ARSD: variants seen among roughly 807,000 people sequenced by gnomAD.
ARSD encodes the protein testis tissue sperm-binding protein Li 39a.
ARSD carries 21 observed loss-of-function variants against 32.6 expected under a neutral mutation model. The ratio of observed to expected loss-of-function variants is 0.64; its 90% CI spans 0.46 to 0.93. ARSD has a LOEUF of 0.93. ARSD is among the 40% of genes least tolerant of loss of function. The pLI is 0.00. For synonymous variants in ARSD, 224 were observed against 237.4 expected, an observed-to-expected ratio of 0.94 and a Z score of 0.52; for missense variants, 454 against 520.9, an observed-to-expected ratio of 0.87 and a Z score of 1.25.
chrX:2,908,593 G>T, intron 9 of ARSD, 128 bp downstream of exon 9: 14 of 500,001 alleles, frequency 2.8e-5, no homozygotes, highest in East Asian at 1.1e-4. Context: ...TATTTCTATA[G>T]CTATCTGTCC....
chrX:2,918,241 A>C lies in ARSD; in HGVS notation c.440-14T>G, dbSNP rs184892882. The C allele has an allele frequency of 2.3e-4, 267 of 1,140,759 alleles. 2 individuals carry two copies. The East Asian group carries it at 8.2e-3, about 35-fold the overall frequency. The allele number at this position is 1,140,759 out of a possible 1,213,427, so 94.0% of individuals were successfully genotyped here. A position where few individuals can be genotyped will look rare whatever the true frequency, so the allele number is the denominator to read the frequency against. ...GGTGCCATTTTCCTAAAAGAAACGC[A>C]AATGTTCAACAGAGACCCGCTTTGA... On this transcript the variant is annotated splice_polypyrimidine_tract_variant and intron_variant, in intron 4 of 9. Coordinates refer to ENST00000381154, the MANE Select transcript of ARSD (RefSeq NM_001669.4).
In ARSD at chrX:2,920,673, C is replaced by A. The variant is rs371025494; in HGVS notation, c.367G>T (p.Gly123Cys). 1.7e-5 allele frequency: 20 copies of A among 1,212,054 alleles called. No individual in the cohort carries two copies. Among genetic ancestry groups the A allele is most frequent in the Non-Finnish European group, 2.2e-5 (20 of 895,582 alleles). ...GTGGTTTCGTTCTCAGGGAGTCCAC[C>A]TGAGCCTGCGTTCCACTGAAGGGCC... Reference protein sequence around the residue: ...YRALQWNAGSGGLPENETTFA... With the variant: ...YRALQWNAGSCGLPENETTFA... The change falls in exon 4 of 10, where the codon GGT becomes TGT. Residue 123 changes from glycine (G) to cysteine (C), a missense_variant. Physicochemically the swap from Gly to Cys is radical, Grantham distance 159. This residue lies in a region of ARSD where 271 missense variants were observed against 301.0 expected (regional missense o/e 0.90). Coordinates refer to ENST00000381154, the MANE Select transcript of ARSD (RefSeq NM_001669.4).
intron 1 of ARSD, among the ~76,000 whole-genome samples, chrX:2,926,970 C>T (rs1335476282): frequency 3.9e-5 from 4 of 103,423 alleles, no homozygotes; most frequent in Non-Finnish European, 5.9e-5. Context: ...CTGTGCTCTC[C>T]GGGGAGGACG....
intron 9 of ARSD, chrX:2,908,065 TATCA>T: frequency 4.0e-6 from 2 of 498,034 alleles, no homozygotes; most frequent in Non-Finnish European, 5.0e-6. Flanking sequence ...TCTATTTATC[TATCA>T]ATCCATCCAT....
In ARSD at chrX:2,914,720, T is replaced by C. The variant is rs750152532; in HGVS notation, c.1000+836A>G. 8.8e-6 allele frequency: 9 copies of C among 1,026,144 alleles called. No individual in the cohort carries two copies. The Admixed American group carries it at 2.2e-4, about 26-fold the overall frequency. 84.6% of individuals were successfully genotyped at this position (1,026,144 alleles called of 1,213,427 possible). ...CAGCGTGTCTGCATTGTCCTGAACA[T>C]TAACTTTATCGCTTCACTTTCGGTA... On this transcript the variant is annotated intron_variant, in intron 6 of 9. Coordinates refer to ENST00000381154, the MANE Select transcript of ARSD (RefSeq NM_001669.4).
Position 2,908,782 on chromosome X carries a change from A to G in ARSD, c.1359T>C (p.His453=), listed in dbSNP as rs2088877088. The G allele has an allele frequency of 1.7e-6, 2 of 1,207,598 alleles. No homozygotes were observed. The highest frequency in any genetic ancestry group is 2.2e-6 in the Non-Finnish European group (2 of 894,382). The change falls in exon 9 of 10, where the codon CAT becomes CAC. Residue 453 remains histidine (H), a synonymous_variant. Coordinates refer to ENST00000381154, the MANE Select transcript of ARSD (RefSeq NM_001669.4). ...GCCCACAGTAATGAAACAGGAACTCATGTGCCGAGCGTGCCTCAGCTCCCT... is the reference window on the plus strand; with the variant it reads ...GCCCACAGTAATGAAACAGGAACTCGTGTGCCGAGCGTGCCTCAGCTCCCT... The part of the protein sequence containing the change: ...LLQGAEARSA[H]EFLFHYCGQH...
Position 2,918,156 on chromosome X carries a change from C to G in ARSD, c.511G>C (p.Asp171His). Residue 171 changes from aspartate (D) to histidine (H), a missense_variant, in exon 5 of 10, where the codon GAC (aspartate) becomes CAC (histidine). Asp to His is a moderately conservative substitution (Grantham distance 81). Transcript: ENST00000381154. ...GTGAAGGGCATGCCGTAGAAATAGT[C>G]AAATCCGTGGTTCAGGGGGTGGTGG... ...HCHHPLNHGF[D>H]YFYGMPFTLT... 2 of 1,198,559 alleles carry G rather than the reference C, an allele frequency of 1.7e-6. No individual in the cohort carries two copies. The highest frequency in any genetic ancestry group is 2.3e-6 in the Non-Finnish European group (2 of 887,269).
chrX:2,924,457 G>T (rs1401448879), intron 2 of ARSD, among the ~76,000 whole-genome samples: 1 of 113,459 alleles, frequency 8.8e-6, no homozygotes, highest in Non-Finnish European at 1.9e-5. Context: ...ATTCTGGGGC[G>T]GTCCTTCTAG....
chrX:2,908,386 T>C (rs2088871524), intron 9 of ARSD, among the ~76,000 whole-genome samples: 2 of 110,662 alleles, frequency 1.8e-5, no homozygotes, highest in South Asian at 7.8e-4. Flanking sequence ...TAAATATCTA[T>C]CCATCATCTA....
intron 6 of ARSD, among the ~76,000 whole-genome samples, chrX:2,912,002 G>A (rs2088906523): frequency 8.9e-6 from 1 of 111,948 alleles, no homozygotes; most frequent in Non-Finnish European, 1.9e-5. Flanking sequence ...CAGGTATGGT[G>A]GCACATGCTT....
In ARSD at chrX:2,918,211, AC is replaced by A. The variant is rs2088990863; in HGVS notation, c.455del (p.Gly152ValfsTer2). 8.6e-7 allele frequency: 1 copy of A among 1,156,666 alleles called. No individual in the cohort carries two copies. The highest frequency in any genetic ancestry group is 1.8e-5 in the African/African-American group (1 of 55,663). ...ATGLIGKWHQGVNCASRGDHC... is the reference protein window; with the variant it reads ...ATGLIGKWHQXVNCASRGDHC... ...GATCCCCGCGGGATGCACAATTCAC[AC>A]CCTGGTGCCATTTTCCTAAAAGAAA... On this transcript the variant is annotated frameshift_variant, in exon 5 of 10. Transcript: ENST00000381154. LOFTEE classifies it high-confidence loss of function.
In ARSD at chrX:2,927,121, A is replaced by C. The variant is rs1035042807; in HGVS notation, c.45-1356T>G. 1.0e-4 allele frequency among the ~76,000 whole-genome samples: 11 copies of C among 110,413 alleles called. 1 individual carries two copies. The highest frequency in any genetic ancestry group is 2.9e-4 in the Admixed American group (3 of 10,387). Reference sequence around the variant, plus strand: ...GGGGACAGGACGGGGCGTGTCTTGGAGGGTGGCGAGAGGCACGGCAGTGCT... The same window carrying C: ...GGGGACAGGACGGGGCGTGTCTTGGCGGGTGGCGAGAGGCACGGCAGTGCT... On this transcript the variant is annotated intron_variant, in intron 1 of 9. Transcript: ENST00000381154.
At position 2,908,783 on chromosome X, in the gene ARSD, T is replaced by C. The variant is rs1339472387; in HGVS notation, c.1358A>G (p.His453Arg). ...LLQGAEARSA[H>R]EFLFHYCGQH... is the part of the protein sequence containing the mutation. ...CCCACAGTAATGAAACAGGAACTCA[T>C]GTGCCGAGCGTGCCTCAGCTCCCTG... The change falls in exon 9 of 10, where the codon CAT becomes CGT. Residue 453 changes from histidine (H) to arginine (R), a missense_variant. This residue lies in a region of ARSD where 179 missense variants were observed against 198.5 expected (regional missense o/e 0.90). Coordinates refer to ENST00000381154, the MANE Select transcript of ARSD (RefSeq NM_001669.4). The C allele has an allele frequency of 8.3e-7, 1 of 1,209,912 alleles. No individual in the cohort carries two copies. Among genetic ancestry groups the C allele is most frequent in the Admixed American group, 2.2e-5 (1 of 45,699 alleles).
In ARSD at chrX:2,922,035, C is replaced by T. The variant is rs1280595711; in HGVS notation, c.195-11G>A. On this transcript the variant is annotated splice_polypyrimidine_tract_variant and intron_variant, in intron 2 of 9. Coordinates refer to ENST00000381154, the MANE Select transcript of ARSD (RefSeq NM_001669.4). ...TCAATATTCGGCGTTCTGAGCAAAG[C>T]ACACAAATGTCATTGTTGGAAGGGA... The T allele has an allele frequency of 8.4e-7, 1 of 1,190,929 alleles. No homozygotes were observed. The highest frequency in any genetic ancestry group is 3.0e-5 in the East Asian group (1 of 33,467).
intron 2 of ARSD, among the ~76,000 whole-genome samples, chrX:2,923,843 A>G (rs888968404): frequency 8.9e-6 from 1 of 112,355 alleles, no homozygotes; most frequent in Non-Finnish European, 1.9e-5. Flanking sequence ...GTGATGGCTA[A>G]GGGGATGCAG....
chrX:2,909,795 A>G (rs755096272), intron 8 of ARSD, 22 bp downstream of exon 8: 17 of 1,137,346 alleles, frequency 1.5e-5, no homozygotes, highest in South Asian at 2.2e-5. Context: ...ATCAGGGAAC[A>G]GGCAGCCTTA....
chrX:2,921,766 T>A, intron 3 of ARSD, 137 bp downstream of exon 3: 2 of 820,649 alleles, frequency 2.4e-6, no homozygotes, highest in Admixed American at 3.7e-5. Context: ...CTTACATAAA[T>A]ACAAGGAAGA....
chrX:2,914,369 A>G, intron 6 of ARSD: 1 of 471,202 alleles, frequency 2.1e-6, no homozygotes, highest in East Asian at 1.2e-4. Flanking sequence ...AGTAGCTGGG[A>G]CCACAGGTGC....
rs769203904 is a variant in ARSD, at chrX:2,915,549, G to T, written c.1000+7C>A. 1.7e-6 allele frequency: 2 copies of T among 1,210,837 alleles called. No homozygotes were observed. The highest frequency in any genetic ancestry group is 4.4e-5 in the Admixed American group (2 of 45,954). ...GTGGAGTGAGGCTCCATGGTACCTT[G>T]ACTTACCTATGAGCCAGTCCATCTC... On this transcript the variant is annotated splice_region_variant and intron_variant, in intron 6 of 9. Transcript: ENST00000381154.
Sources: allele counts gnomAD v4.1 joint callset (sites outside exome capture counted in the v4.1 genomes callset), GRCh38; gene constraint gnomAD v4.1.1; regional missense constraint gnomAD v4.1.1; transcripts MANE v1.5; gene names NCBI Gene and HGNC (gene_info 2026-07-23, HGNC 2026-07-21).